The following FGF14 variants were observed in gnomAD, a reference collection of about 807,000 sequenced individuals.
The protein encoded by FGF14 is fibroblast growth factor 14.
Under a neutral mutation model 25.5 loss-of-function variants are expected in FGF14, and 5 were observed. The ratio of observed to expected loss-of-function variants is 0.20; its 90% CI spans 0.10 to 0.41. FGF14 has a LOEUF of 0.41. Among genes scored for constraint, FGF14 ranks in the 10% least tolerant of loss-of-function variants. The pLI is 1.00. For synonymous variants in FGF14, 138 were observed against 118.3 expected (o/e 1.17, Z -1.08); for missense variants, 222 against 320.1 (o/e 0.69, Z 2.34).
At chr13:102,216,727 C>G (rs1446027297) in intron 1 of FGF14, among the ~76,000 whole-genome samples, 1 of 146,586 alleles carries the variant, frequency 6.8e-6, no homozygotes, top group East Asian at 1.9e-4. Context: ...AGTCATCCAA[C>G]TATGCAATAG....
chr13:101,989,144 A>G (rs1296209294), intron 1 of FGF14, among the ~76,000 whole-genome samples: 1 of 152,106 alleles, frequency 6.6e-6, no homozygotes, highest in African/African-American at 2.4e-5. Context: ...ATACTTTTCA[A>G]AACAGCTGTA....
intron 1 of FGF14, among the ~76,000 whole-genome samples, chr13:102,128,415 C>T (rs867192957): frequency 3.9e-5 from 6 of 152,152 alleles, no homozygotes; most frequent in Non-Finnish European, 8.8e-5. Flanking sequence ...AGGAGGTCCC[C>T]GCGGTGTTAC....
At chr13:102,390,559 T>C (rs2058408148) in intron 1 of FGF14, among the ~76,000 whole-genome samples, 1 of 152,244 alleles carries the variant, frequency 6.6e-6, no homozygotes, top group Non-Finnish European at 1.5e-5. Flanking sequence ...GTTTTGGTTT[T>C]ATACTCAGAT....
At chr13:102,256,500 A>T (rs2052448060) in intron 1 of FGF14, among the ~76,000 whole-genome samples, 1 of 152,152 alleles carries the variant, frequency 6.6e-6, no homozygotes. Flanking sequence ...CCTGTCTCAA[A>T]AAAAAGGAAG....
At chr13:101,866,673 GAATA>G (rs1263064320) in intron 3 of FGF14, among the ~76,000 whole-genome samples, 1 of 152,016 alleles carries the variant, frequency 6.6e-6, no homozygotes, top group Non-Finnish European at 1.5e-5. Flanking sequence ...ACAAATTATG[GAATA>G]AATACTTGCA....
chr13:101,910,053 TG>T (rs2032735629), intron 1 of FGF14, among the ~76,000 whole-genome samples: 1 of 137,534 alleles, frequency 7.3e-6, no homozygotes, highest in Admixed American at 7.6e-5. Flanking sequence ...GGAGAACACA[TG>T]GACACAGGAA....
chr13:102,119,741 AAATAT>A (rs2140357115), intron 1 of FGF14, among the ~76,000 whole-genome samples: 1 of 152,358 alleles, frequency 6.6e-6, no homozygotes, highest in Admixed American at 6.5e-5. Flanking sequence ...CATGCACACC[AAATAT>A]AACAAACTGT....
At chr13:102,287,186 G>A (rs1374178091) in intron 1 of FGF14, among the ~76,000 whole-genome samples, 4 of 152,126 alleles carry the variant, frequency 2.6e-5, no homozygotes, top group East Asian at 1.9e-4. Context: ...TAGTGATAGC[G>A]ATTAGGAAGA....
At chr13:102,160,567 C>T (rs948819422) in intron 1 of FGF14, among the ~76,000 whole-genome samples, 2 of 152,136 alleles carry the variant, frequency 1.3e-5, no homozygotes. Flanking sequence ...GATATAATTT[C>T]CCCCTCTTGG....
At chr13:102,336,816 T>C (rs2056801340) in intron 1 of FGF14, among the ~76,000 whole-genome samples, 1 of 152,166 alleles carries the variant, frequency 6.6e-6, no homozygotes, top group Admixed American at 6.6e-5. Context: ...CCTCAAGAAT[T>C]ATGTACCTGT....
At chr13:101,845,075 T>C (rs1398429199) in intron 3 of FGF14, among the ~76,000 whole-genome samples, 1 of 152,048 alleles carries the variant, frequency 6.6e-6, no homozygotes, top group Non-Finnish European at 1.5e-5. Flanking sequence ...TGCCATGCCC[T>C]TGTTAGTACT....
chr13:102,258,591 A>C (rs1012591721), intron 1 of FGF14, among the ~76,000 whole-genome samples: 9 of 152,100 alleles, frequency 5.9e-5, no homozygotes, highest in African/African-American at 2.2e-4. Flanking sequence ...ACGGGAGCCC[A>C]TGAGAAGAAT....
intron 3 of FGF14, among the ~76,000 whole-genome samples, chr13:101,761,970 T>C (rs9518516): frequency 0.92 from 139,942 of 152,156 alleles, 65,551 homozygotes; most frequent in East Asian, 1. Flanking sequence ...AACCAGCTAA[T>C]TCCAGCCCTT....
chr13:102,028,615 A>G (rs1234136758), intron 1 of FGF14, among the ~76,000 whole-genome samples: 1 of 152,088 alleles, frequency 6.6e-6, no homozygotes, highest in Non-Finnish European at 1.5e-5. Flanking sequence ...AAGTGCTTCT[A>G]GGCACTTAAG....
At chr13:102,198,416 T>C (rs1318369078) in intron 1 of FGF14, among the ~76,000 whole-genome samples, 1 of 152,164 alleles carries the variant, frequency 6.6e-6, no homozygotes, top group African/African-American at 2.4e-5. Context: ...GAGGATGACC[T>C]AGCCACTGAG....
rs139722846 is a variant in FGF14 at position 101,949,422 on chromosome 13, C to T, written c.209-74126G>A. On this transcript the variant is annotated intron_variant, in intron 1 of 4. Transcript: ENST00000376131. Reference sequence around the variant, plus strand: ...AGTGCTTCTCACAGCTGCTTGGCTGCGGAACTGCAGAAACCTGAGGGGCTG... The same window carrying T: ...AGTGCTTCTCACAGCTGCTTGGCTGTGGAACTGCAGAAACCTGAGGGGCTG... Among the ~76,000 whole-genome samples, 10 of 152,152 alleles carry T rather than the reference C, an allele frequency of 6.6e-5. No individual in the cohort carries two copies. The East Asian group carries it at 9.7e-4, about 15-fold the overall frequency.
At chr13:102,278,345 C>A (rs116127547) in intron 1 of FGF14, among the ~76,000 whole-genome samples, 183 of 152,226 alleles carry the variant, frequency 1.2e-3, no homozygotes, top group African/African-American at 4.1e-3. Context: ...GAGGAAGCAG[C>A]GGACAAGTTG....
intron 1 of FGF14, among the ~76,000 whole-genome samples, chr13:101,888,638 T>C (rs1435647826): frequency 6.6e-6 from 1 of 152,142 alleles, no homozygotes; most frequent in African/African-American, 2.4e-5. Context: ...TAGTAGACAA[T>C]AGCAAAGCTT....
At chr13:102,384,119 C>T (rs1394059909) in intron 1 of FGF14, among the ~76,000 whole-genome samples, 1 of 151,872 alleles carries the variant, frequency 6.6e-6, no homozygotes, top group East Asian at 1.9e-4. Flanking sequence ...TTTCTAGTAG[C>T]ATTTCTGTTA....
Sources: gnomAD v4.1 joint callset for allele counts (sites outside exome capture counted in the v4.1 genomes callset) on GRCh38, gnomAD v4.1.1 for gene constraint, MANE v1.5 for transcripts, NCBI Gene and HGNC (gene_info 2026-07-23, HGNC 2026-07-21) for gene names.